The following ATP8B4 variants were observed in gnomAD, a reference collection of about 807,000 sequenced individuals.
ATP8B4 encodes probable phospholipid-transporting ATPase IM.
In ATP8B4, 133 loss-of-function variants were observed where a neutral mutation model predicts 145.6. That is an observed-to-expected ratio of 0.91 (90% CI 0.79 to 1.05). ATP8B4 has a LOEUF of 1.05. ATP8B4 is among the 50% of genes least tolerant of loss of function. ATP8B4 has a pLI of 0.00. For synonymous variants in ATP8B4, 507 were observed against 492.9 expected (o/e 1.03, Z -0.38); for missense variants, 1,458 against 1,425.2 (o/e 1.02, Z -0.37).
At chr15:50,179,158 A>G (rs1043691642) in intron 1 of ATP8B4, among the ~76,000 whole-genome samples, 2 of 152,222 alleles carry the variant, frequency 1.3e-5, no homozygotes, top group African/African-American at 4.8e-5. Flanking sequence ...GTTTTGGTCC[A>G]TTTTAAAATA....
intron 1 of ATP8B4, among the ~76,000 whole-genome samples, chr15:50,164,191 A>G (rs562328955): frequency 1.3e-5 from 2 of 152,146 alleles, no homozygotes; most frequent in East Asian, 3.9e-4. Flanking sequence ...TTTTTCCCTC[A>G]AACAGAATGA....
intron 2 of ATP8B4, among the ~76,000 whole-genome samples, chr15:50,099,799 G>C (rs1392039482): frequency 1.3e-5 from 2 of 152,102 alleles, no homozygotes; most frequent in Admixed American, 6.5e-5. Flanking sequence ...AGCACTTTGG[G>C]AGGCCGAGGC....
intron 13 of ATP8B4, among the ~76,000 whole-genome samples, chr15:49,966,721 G>A (rs867939289): frequency 3.9e-5 from 6 of 152,166 alleles, no homozygotes; most frequent in African/African-American, 1.4e-4. Flanking sequence ...CCTGCCTGCC[G>A]GCTCTGAAGA....
intron 23 of ATP8B4, among the ~76,000 whole-genome samples, chr15:49,894,314 A>T (rs759410744): frequency 1.3e-5 from 2 of 152,166 alleles, no homozygotes; most frequent in Non-Finnish European, 2.9e-5. Flanking sequence ...AAATAGTGGG[A>T]CCAAAGTACC....
At chr15:49,886,512 ATTCT>A (rs2036206313) in intron 23 of ATP8B4, among the ~76,000 whole-genome samples, 1 of 152,230 alleles carries the variant, frequency 6.6e-6, no homozygotes, top group Non-Finnish European at 1.5e-5. Context: ...TAAAAATAGA[ATTCT>A]TTATTGAGAC....
intron 14 of ATP8B4, 114 bp downstream of exon 14, chr15:49,961,863 T>C (rs888580565): frequency 1.1e-5 from 9 of 854,072 alleles, no homozygotes; most frequent in Admixed American, 3.1e-5. Context: ...ATGCTATGCA[T>C]TAAGTATCTC....
At chr15:49,908,485 T>G (rs2038868486) in intron 20 of ATP8B4, among the ~76,000 whole-genome samples, 1 of 151,090 alleles carries the variant, frequency 6.6e-6, no homozygotes, top group Admixed American at 6.6e-5. Flanking sequence ...AAGTGAGGGA[T>G]GCCCAGTGGT....
chr15:49,913,134 T>TTTTTC (rs2039404501), intron 20 of ATP8B4, among the ~76,000 whole-genome samples: 1 of 150,632 alleles, frequency 6.6e-6, no homozygotes. Flanking sequence ...CTTTTTTTTT[T>TTTTTC]GTGTCTCAAA....
Position 50,137,541 on chromosome 15 carries a change from A to G in ATP8B4, c.-42-30533T>C, listed in dbSNP as rs530023947. The stretch of plus-strand genomic sequence containing the variant: ...AGCAGCATTTTGCTTCAGTTATTGG[A>G]AGTGTCTCAGAGTGAATGTGCTCTA... On this transcript the variant is annotated intron_variant, in intron 1 of 3. Transcript: ENST00000558829. Among the ~76,000 whole-genome samples the G allele has an allele frequency of 3.9e-5, 6 of 152,324 alleles. No individual in the cohort carries two copies. The East Asian group carries it at 1.2e-3, about 29-fold the overall frequency.
At chr15:49,920,615 A>G (rs1453928058) in intron 17 of ATP8B4, among the ~76,000 whole-genome samples, 2 of 152,222 alleles carry the variant, frequency 1.3e-5, no homozygotes, top group African/African-American at 4.8e-5. Context: ...TATGAGGTTA[A>G]AACATGCAGG....
rs1233839937 is a variant in ATP8B4, at chr15:49,859,568, G to C, written c.*626C>G. ...GCCTATCCTGCTGCAAAGATGTTCA[G>C]TCTCCTTTGTCCCTAGACTGGTATA... On this transcript the variant is annotated 3_prime_UTR_variant, in exon 28 of 28. Coordinates refer to ENST00000284509, the MANE Select transcript of ATP8B4 (RefSeq NM_024837.4). The C allele has an allele frequency of 6.6e-6, 1 of 152,170 alleles. No individual in the cohort carries two copies. The highest frequency in any genetic ancestry group is 1.5e-5 in the Non-Finnish European group (1 of 68,050). 9.4% of individuals were successfully genotyped at this position (152,170 alleles called of 1,614,324 possible). A position where few individuals can be genotyped will look rare whatever the true frequency, so the allele number is the denominator to read the frequency against.
At chr15:49,951,308 C>T (rs763680934) in intron 14 of ATP8B4, among the ~76,000 whole-genome samples, 20 of 152,138 alleles carry the variant, frequency 1.3e-4, no homozygotes, top group Non-Finnish European at 2.8e-4. Flanking sequence ...GTTAAAGTCT[C>T]CCACTATTAT....
At chr15:49,890,602 C>T (rs1377844040) in intron 23 of ATP8B4, among the ~76,000 whole-genome samples, 1 of 152,130 alleles carries the variant, frequency 6.6e-6, no homozygotes, top group Non-Finnish European at 1.5e-5. Context: ...GTGAAACTGT[C>T]CCCCATTCAA....
chr15:49,914,382 T>C (rs2039524863), intron 20 of ATP8B4, among the ~76,000 whole-genome samples: 1 of 152,014 alleles, frequency 6.6e-6, no homozygotes, highest in African/African-American at 2.4e-5. Flanking sequence ...TACTAGAAGA[T>C]AACATAGGGA....
chr15:49,957,993 C>T (rs1251047468), intron 14 of ATP8B4, among the ~76,000 whole-genome samples: 2 of 151,566 alleles, frequency 1.3e-5, no homozygotes, highest in Non-Finnish European at 3.0e-5. Context: ...ACATTAATAA[C>T]AATTAACCTT....
At chr15:50,158,015 C>A (rs1402068766) in intron 1 of ATP8B4, among the ~76,000 whole-genome samples, 1 of 152,232 alleles carries the variant, frequency 6.6e-6, no homozygotes, top group African/African-American at 2.4e-5. Flanking sequence ...CCTCGGCCTC[C>A]TGAGGTGCCG....
At chr15:50,018,787 A>G (rs1032657768) in intron 6 of ATP8B4, 2 of 548,338 alleles carry the variant, frequency 3.6e-6, no homozygotes, top group Non-Finnish European at 5.8e-6. Flanking sequence ...TCTTCTCAGA[A>G]TCATAATTTA....
intron 6 of ATP8B4, among the ~76,000 whole-genome samples, chr15:50,026,749 T>G (rs1329663270): frequency 1.3e-5 from 2 of 152,160 alleles, no homozygotes; most frequent in Non-Finnish European, 2.9e-5. Context: ...ACCAGGCTAG[T>G]GGACTTTTCC....
chr15:49,887,387 G>A (rs1430729639), intron 23 of ATP8B4, among the ~76,000 whole-genome samples: 1 of 146,462 alleles, frequency 6.8e-6, no homozygotes, highest in Non-Finnish European at 1.5e-5. Context: ...CAGATGCCCT[G>A]AAGAGAGGGG....
Sources: allele counts gnomAD v4.1 joint callset (sites outside exome capture counted in the v4.1 genomes callset), GRCh38; gene constraint gnomAD v4.1.1; transcripts MANE v1.5; gene names NCBI Gene and HGNC (gene_info 2026-07-23, HGNC 2026-07-21).